The following ZBTB17 variants were observed in gnomAD, a reference collection of about 807,000 sequenced individuals.
ZBTB17 encodes zinc finger and BTB domain containing 17.
ZBTB17 carries 24 observed loss-of-function variants against 85.1 expected under a neutral mutation model. The observed-to-expected ratio is 0.28, with a 90% CI of 0.20 to 0.40. The LOEUF is 0.40. ZBTB17 is among the 10% of genes least tolerant of loss of function. The pLI, the probability that ZBTB17 is intolerant of heterozygous loss-of-function variation, is 1.00. For synonymous variants in ZBTB17, 464 were observed against 460.2 expected (o/e 1.01, Z -0.11); for missense variants, 743 against 1,105.1 (o/e 0.67, Z 4.65).
At chr1:15,963,285 A>G (rs2072323306) in intron 2 of ZBTB17, among the ~76,000 whole-genome samples, 1 of 152,228 alleles carries the variant, frequency 6.6e-6, no homozygotes, top group Admixed American at 6.5e-5. Flanking sequence ...AATGCTGACT[A>G]AAAATGATAA....
rs917953594 is a variant in ZBTB17 at position 15,964,976 on chromosome 1, T to C, written c.-3+8063A>G. ...AAAATAAAAAAAAATTAGCCAGGCG[T>C]GGTGGCACGCATCTGTAATCCCAGC... On this transcript the variant is annotated intron_variant, in intron 2 of 15. Transcript: ENST00000375743. The surrounding 1 kb of genome is among the most constrained non-coding windows in gnomAD (Gnocchi z 4.3). Among the ~76,000 whole-genome samples, 1 of 151,880 alleles carries C rather than the reference T, an allele frequency of 6.6e-6. No homozygotes were observed. The highest frequency in any genetic ancestry group is 1.5e-5 in the Non-Finnish European group (1 of 67,974).
At chr1:15,943,558 C>G in intron 11 of ZBTB17, 39 bp from the exon 12 acceptor site, 1 of 1,612,292 alleles carries the variant, frequency 6.2e-7, no homozygotes, top group Non-Finnish European at 8.5e-7. Context: ...CTGCTCCTCT[C>G]CGTGCCCTCC....
rs775800801 is a variant in ZBTB17, at chr1:15,945,706, C to T, written c.661+9G>A. The T allele has an allele frequency of 2.1e-5, 33 of 1,606,428 alleles. No homozygotes were observed. The highest frequency in any genetic ancestry group is 2.0e-4 in the South Asian group (18 of 91,018). On this transcript the variant is annotated intron_variant, in intron 6 of 15. Coordinates refer to ENST00000375743, the MANE Select transcript of ZBTB17 (RefSeq NM_003443.3). ...CAGGTAGGGCCTGGTCCTGGCTGGG[C>T]GGGGCTACCTTGCTCCGAGCTCTCG...
chr1:15,951,991 C>T lies in ZBTB17; in HGVS notation c.-2-3494G>A, dbSNP rs181679238. On this transcript the variant is annotated intron_variant, in intron 2 of 15. Coordinates refer to ENST00000375743, the MANE Select transcript of ZBTB17 (RefSeq NM_003443.3). This position sits in a 1 kb window ranked among gnomAD's most constrained non-coding sequence, Gnocchi z 4.1. ...CCTGCCCCACCCCACCCTTGGAATACGGTGCCCATCGCTCAAGCACAAGTG... is the reference window on the plus strand; with the variant it reads ...CCTGCCCCACCCCACCCTTGGAATATGGTGCCCATCGCTCAAGCACAAGTG... Among the ~76,000 whole-genome samples the T allele has an allele frequency of 5.9e-5, 9 of 152,258 alleles. No individual in the cohort carries two copies. Among genetic ancestry groups the T allele is most frequent in the Admixed American group, 1.3e-4 (2 of 15,288 alleles).
chr1:15,974,404 G>A (rs557121827), intron 1 of ZBTB17, among the ~76,000 whole-genome samples: 99 of 149,872 alleles, frequency 6.6e-4, no homozygotes, highest in Non-Finnish European at 1.1e-3. Context: ...CAAACTCCTG[G>A]GCTCAAATGA....
In ZBTB17 at chr1:15,947,155, A is replaced by G. The variant is rs771244941; in HGVS notation, c.206-32T>C. On this transcript the variant is annotated intron_variant, in intron 3 of 15. Coordinates refer to ENST00000375743, the MANE Select transcript of ZBTB17 (RefSeq NM_003443.3). ...AGGACAGGACAGCTGTCACAGACCCACCTCAAGATCCGGCACCGGCAGCCT... is the reference window on the plus strand; with the variant it reads ...AGGACAGGACAGCTGTCACAGACCCGCCTCAAGATCCGGCACCGGCAGCCT... The G allele has an allele frequency of 5.7e-6, 9 of 1,578,476 alleles. No homozygotes were observed. The East Asian group carries it at 1.8e-4, about 32-fold the overall frequency.
At chr1:15,959,237 A>G (rs1019930971) in intron 2 of ZBTB17, among the ~76,000 whole-genome samples, 2 of 152,160 alleles carry the variant, frequency 1.3e-5, no homozygotes, top group African/African-American at 2.4e-5. Flanking sequence ...GGGCCATGCC[A>G]TTTGTCCAAA....
chr1:15,943,504 T>C lies in ZBTB17; in HGVS notation c.1592A>G (p.Gln531Arg), dbSNP rs1443875150. 1.9e-6 allele frequency: 3 copies of C among 1,609,936 alleles called. No individual in the cohort carries two copies. Among genetic ancestry groups the C allele is most frequent in the Non-Finnish European group, 2.5e-6 (3 of 1,177,356 alleles). ...GAAGGCCTTACCGCACATCACACAC[T>C]GGCATGGCTTCTCACCTGGGGACCG... Reference protein sequence around the residue: ...VRIHTGEKPCQCVMCGKAFTQ... With the variant: ...VRIHTGEKPCRCVMCGKAFTQ... The change falls in exon 12 of 16, where the codon CAG becomes CGG. Residue 531 changes from glutamine to arginine, a missense_variant. Physicochemically the swap from Gln to Arg is conservative, Grantham distance 43 (BLOSUM62 1). Around this residue, in one of 4 missense-constraint regions of ZBTB17, gnomAD observed 321 missense variants for 615.7 expected, o/e 0.52. Coordinates refer to ENST00000375743, the MANE Select transcript of ZBTB17 (RefSeq NM_003443.3).
In ZBTB17 at chr1:15,962,194, C is replaced by T. The variant is rs563717852; in HGVS notation, c.-3+10845G>A. Reference sequence around the variant, plus strand: ...TGCTGCTCCAGCTCGGGTGACAGTGCGAGACCTTATCTTGAATAAAATAAA... The same window carrying T: ...TGCTGCTCCAGCTCGGGTGACAGTGTGAGACCTTATCTTGAATAAAATAAA... On this transcript the variant is annotated intron_variant, in intron 2 of 15. Coordinates refer to ENST00000375743, the MANE Select transcript of ZBTB17 (RefSeq NM_003443.3). 3.3e-5 allele frequency among the ~76,000 whole-genome samples: 5 copies of T among 152,052 alleles called. No homozygotes were observed. The South Asian group carries it at 8.3e-4, about 25-fold the overall frequency.
chr1:15,944,520 T>G lies in ZBTB17; in HGVS notation c.1151A>C (p.His384Pro). ...ISLLNLHKKRHSGEARYRCED... is the reference protein window; with the variant it reads ...ISLLNLHKKRPSGEARYRCED... ...GCAGCGGTAGCGCGCCTCGCCCGAGTGCCGCTTCTTGTGCAGGTTCAGCAG... is the reference window on the plus strand; with the variant it reads ...GCAGCGGTAGCGCGCCTCGCCCGAGGGCCGCTTCTTGTGCAGGTTCAGCAG... The change falls in exon 9 of 16, where the codon CAC (histidine) becomes CCC (proline). Residue 384 changes from histidine (H) to proline (P), a missense_variant. This residue lies in a region of ZBTB17 where 321 missense variants were observed against 615.7 expected (regional missense o/e 0.52). Transcript: ENST00000375743. 12 of 1,590,860 alleles carry G rather than the reference T, an allele frequency of 7.5e-6. No homozygotes were observed. Among genetic ancestry groups the G allele is most frequent in the Non-Finnish European group, 1.0e-5 (12 of 1,173,226 alleles).
intron 2 of ZBTB17, among the ~76,000 whole-genome samples, chr1:15,956,471 G>A (rs1190941193): frequency 6.6e-6 from 1 of 152,186 alleles, no homozygotes; most frequent in African/African-American, 2.4e-5. Context: ...TACTTCTGGT[G>A]CTTGTTAACT....
rs1163316283 is a variant in ZBTB17, at chr1:15,952,145, G to A, written c.-2-3648C>T. Reference sequence around the variant, plus strand: ...AATGCCAACAGAACGAGACCACAGAGCCCAGCAGCCCAGAGTCCTCATTTT... The same window carrying A: ...AATGCCAACAGAACGAGACCACAGAACCCAGCAGCCCAGAGTCCTCATTTT... On this transcript the variant is annotated intron_variant, in intron 2 of 15. Coordinates refer to ENST00000375743, the MANE Select transcript of ZBTB17 (RefSeq NM_003443.3). This position sits in a 1 kb window ranked among gnomAD's most constrained non-coding sequence, Gnocchi z 4.3. 1.3e-5 allele frequency among the ~76,000 whole-genome samples: 2 copies of A among 152,188 alleles called. No homozygotes were observed. Among genetic ancestry groups the A allele is most frequent in the East Asian group, 1.9e-4 (1 of 5,190 alleles).
Position 15,948,335 on chromosome 1 carries a change from A to G in ZBTB17, c.161T>C (p.Val54Ala). The change falls in exon 3 of 16, where the codon GTG becomes GCG. Residue 54 changes from valine (V) to alanine (A), a missense_variant. Around this residue, in one of 4 missense-constraint regions of ZBTB17, gnomAD observed 74 missense variants for 142.6 expected, o/e 0.52. Coordinates refer to ENST00000375743, the MANE Select transcript of ZBTB17 (RefSeq NM_003443.3). ...ACSEYFKMLF[V>A]DQKDVVHLDI... ...CAGGTGCACCACGTCCTTCTGGTCC[A>G]CGAAGAGCATCTTGAAGTACTCGCT... 6.2e-7 allele frequency: 1 copy of G among 1,613,970 alleles called. No individual in the cohort carries two copies. The highest frequency in any genetic ancestry group is 8.5e-7 in the Non-Finnish European group (1 of 1,180,042).
In ZBTB17 at chr1:15,942,225, C is replaced by T. The variant is rs1336256651; in HGVS notation, c.2156G>A (p.Cys719Tyr). 1 of 1,613,746 alleles carries T rather than the reference C, an allele frequency of 6.2e-7. No homozygotes were observed. ...EDPNTHILYA[C>Y]DSCGDKFLDA... Reference sequence around the variant, plus strand: ...CAGAAACTTGTCCCCACAGGAGTCACAGGCGTAGAGGATGTGAGTGTTGGG... The same window carrying T: ...CAGAAACTTGTCCCCACAGGAGTCATAGGCGTAGAGGATGTGAGTGTTGGG... The change falls in exon 16 of 16, where the codon TGT (cysteine) becomes TAT (tyrosine). Residue 719 changes from cysteine to tyrosine, a missense_variant. By Grantham distance (194) the Cys-to-Tyr change is radical (BLOSUM62 -2). Coordinates refer to ENST00000375743, the MANE Select transcript of ZBTB17 (RefSeq NM_003443.3).
intron 2 of ZBTB17, among the ~76,000 whole-genome samples, chr1:15,961,558 T>C (rs1288101702): frequency 1.3e-5 from 2 of 152,362 alleles, no homozygotes; most frequent in East Asian, 3.9e-4. Flanking sequence ...GCGGAAGTGC[T>C]GTCCTACAGC....
chr1:15,960,077 G>A (rs556681902), intron 2 of ZBTB17, among the ~76,000 whole-genome samples: 7 of 152,316 alleles, frequency 4.6e-5, no homozygotes, highest in African/African-American at 9.6e-5. Flanking sequence ...ACACTGCGAC[G>A]ACACTGAAGT....
chr1:15,948,345 T>C lies in ZBTB17; in HGVS notation c.151A>G (p.Met51Val). ...VLAACSEYFK[M>V]LFVDQKDVVH... ...ACGTCCTTCTGGTCCACGAAGAGCATCTTGAAGTACTCGCTGCAGGCCGCC... is the reference window on the plus strand; with the variant it reads ...ACGTCCTTCTGGTCCACGAAGAGCACCTTGAAGTACTCGCTGCAGGCCGCC... The change falls in exon 3 of 16, where the codon ATG (methionine) becomes GTG (valine). Residue 51 changes from methionine (M) to valine (V), a missense_variant. Met to Val is a conservative substitution (Grantham distance 21, BLOSUM62 1). Coordinates refer to ENST00000375743, the MANE Select transcript of ZBTB17 (RefSeq NM_003443.3). 1.2e-6 allele frequency: 2 copies of C among 1,613,986 alleles called. No individual in the cohort carries two copies. Among genetic ancestry groups the C allele is most frequent in the Non-Finnish European group, 1.7e-6 (2 of 1,180,044 alleles).
At chr1:15,968,844 C>T (rs1242922814) in intron 2 of ZBTB17, among the ~76,000 whole-genome samples, 3 of 152,226 alleles carry the variant, frequency 2.0e-5, no homozygotes, top group Non-Finnish European at 4.4e-5. Context: ...AACTTCAAAC[C>T]TGACTGGCCT....
chr1:15,948,547 A>G, intron 2 of ZBTB17, 50 bp from the exon 3 acceptor site: 2 of 1,565,314 alleles, frequency 1.3e-6, no homozygotes, highest in South Asian at 2.3e-5. Context: ...AGGACGTCAG[A>G]CACGCTCAAC....
Sources: allele counts gnomAD v4.1 joint callset (sites outside exome capture counted in the v4.1 genomes callset), GRCh38; gene constraint gnomAD v4.1.1; regional missense constraint gnomAD v4.1.1; non-coding constraint Gnocchi (gnomAD v3.1); transcripts MANE v1.5; gene names NCBI Gene and HGNC (gene_info 2026-07-23, HGNC 2026-07-21).